Variants in CYTIP observed in about 807,000 individuals in gnomAD.
CYTIP encodes cytohesin 1 interacting protein, also known as cytohesin-interacting protein.
A neutral mutation model predicts 43.8 loss-of-function variants in CYTIP; 26 were observed. The observed-to-expected ratio is 0.59, with a 90% confidence interval of 0.44 to 0.82. The LOEUF (loss-of-function observed/expected upper bound fraction) is 0.82. Among genes scored for constraint, CYTIP ranks in the 40% least tolerant of loss-of-function variants. The pLI, the probability that CYTIP is intolerant of heterozygous loss-of-function variation, is 0.00. For missense variants in CYTIP, 426 were observed against 443.1 expected, an observed-to-expected ratio of 0.96 and a Z score of 0.35; for synonymous variants, 162 against 162.9, an observed-to-expected ratio of 0.99 and a Z score of 0.04.
At chr2:157,441,800 T>C (rs770613721) in intron 1 of CYTIP, among the ~76,000 whole-genome samples, 23 of 152,186 alleles carry the variant, frequency 1.5e-4, no homozygotes, top group Non-Finnish European at 2.5e-4. Context: ...TTCAGTCTCC[T>C]TTCTGTTCCC....
intron 1 of CYTIP, among the ~76,000 whole-genome samples, chr2:157,439,732 G>A (rs1685873871): frequency 6.6e-6 from 1 of 152,220 alleles, no homozygotes; most frequent in South Asian, 2.1e-4. Context: ...AATTATGACT[G>A]CTGAATAGAC....
intron 7 of CYTIP, among the ~76,000 whole-genome samples, chr2:157,417,670 G>T (rs900507320): frequency 6.6e-6 from 1 of 151,050 alleles, no homozygotes; most frequent in Admixed American, 6.6e-5. Context: ...GAAGTAACTT[G>T]TACATAAGTT....
rs1373229841 is a variant in CYTIP at position 157,443,782 on chromosome 2, C to T, written c.174+65G>A. The T allele has an allele frequency of 2.0e-6, 3 of 1,511,140 alleles. No homozygotes were observed. In the African/African-American group the frequency reaches 4.1e-5, roughly 21 times the overall value. 93.6% of individuals were successfully genotyped at this position (1,511,140 alleles called of 1,614,324 possible). A position where few individuals can be genotyped will look rare whatever the true frequency, so the allele number is the denominator to read the frequency against. On this transcript the variant is annotated intron_variant, in intron 1 of 7. Coordinates refer to ENST00000264192, the MANE Select transcript of CYTIP (RefSeq NM_004288.5). ...ATATCACCATTAGTATGAAGTCAGACAAACATATCACTCTGCCCTCAAGAG... is the reference window on the plus strand; with the variant it reads ...ATATCACCATTAGTATGAAGTCAGATAAACATATCACTCTGCCCTCAAGAG...
At chr2:157,420,632 T>C (rs1033474918) in intron 6 of CYTIP, among the ~76,000 whole-genome samples, 4 of 96,150 alleles carry the variant, frequency 4.2e-5, no homozygotes, top group Non-Finnish European at 7.7e-5. Flanking sequence ...GCATGGGCAA[T>C]AGGGTAAGAC....
At chr2:157,437,140 TA>T (rs1685821966) in intron 1 of CYTIP, among the ~76,000 whole-genome samples, 1 of 152,114 alleles carries the variant, frequency 6.6e-6, no homozygotes, top group Admixed American at 6.5e-5. Flanking sequence ...GGAAAGGCTT[TA>T]GCATATTGGA....
Position 157,418,523 on chromosome 2 carries a change from C to G in CYTIP, c.613G>C (p.Gly205Arg). ...LQLQEHRLLH[G>R]DAANCPSLEN... is the part of the protein sequence containing the mutation. ...TTTCTGAACAGGAAATTGCATTTACCATGAAGCAGACGATGTTCCTGTAAC... is the reference window on the plus strand; with the variant it reads ...TTTCTGAACAGGAAATTGCATTTACGATGAAGCAGACGATGTTCCTGTAAC... Residue 205 changes from glycine to arginine, a missense_variant and splice_region_variant, in exon 7 of 8, where the codon GGT becomes CGT. By Grantham distance (125) the Gly-to-Arg change is moderately radical (BLOSUM62 -2). Transcript: ENST00000264192. The G allele has an allele frequency of 6.3e-7, 1 of 1,588,998 alleles. No individual in the cohort carries two copies. The highest frequency in any genetic ancestry group is 8.6e-7 in the Non-Finnish European group (1 of 1,168,126).
In CYTIP at chr2:157,415,504, A is replaced by G; in HGVS notation, c.*173T>C. On this transcript the variant is annotated 3_prime_UTR_variant, in exon 8 of 8. Transcript: ENST00000264192. The stretch of plus-strand genomic sequence containing the variant: ...GCTTAGAAATTGGCTGTTTAGGTTG[A>G]AAAATGATTTAAGAAGCATAAACTA... 3.6e-6 allele frequency: 2 copies of G among 563,164 alleles called. No individual in the cohort carries two copies. Among genetic ancestry groups the G allele is most frequent in the South Asian group, 5.1e-5 (2 of 39,308 alleles). The allele number at this position is 563,164 out of a possible 1,614,324, so 34.9% of individuals were successfully genotyped here. A position where few individuals can be genotyped will look rare whatever the true frequency, so the allele number is the denominator to read the frequency against.
intron 2 of CYTIP, 108 bp downstream of exon 2, chr2:157,434,590 G>T: frequency 1.2e-6 from 1 of 804,792 alleles, no homozygotes; most frequent in Non-Finnish European, 2.0e-6. Context: ...GTCTGTGTGT[G>T]TGCGTAGAGA....
chr2:157,441,480 C>A (rs1685913376), intron 1 of CYTIP, among the ~76,000 whole-genome samples: 1 of 152,106 alleles, frequency 6.6e-6, no homozygotes, highest in African/African-American at 2.4e-5. Flanking sequence ...AAGTCTACCA[C>A]ATGAAAGAAT....
At chr2:157,440,345 C>T (rs892670291) in intron 1 of CYTIP, among the ~76,000 whole-genome samples, 1 of 152,186 alleles carries the variant, frequency 6.6e-6, no homozygotes, top group Non-Finnish European at 1.5e-5. Flanking sequence ...AAATACAATA[C>T]CGCCATTTCC....
chr2:157,438,380 G>A (rs1685847985), intron 1 of CYTIP, among the ~76,000 whole-genome samples: 1 of 152,182 alleles, frequency 6.6e-6, no homozygotes, highest in Non-Finnish European at 1.5e-5. Flanking sequence ...GGGAAGGGTT[G>A]GGGGAAGAAA....
At chr2:157,428,817 CT>C (rs1381983747) in intron 5 of CYTIP, among the ~76,000 whole-genome samples, 1 of 152,226 alleles carries the variant, frequency 6.6e-6, no homozygotes, top group Non-Finnish European at 1.5e-5. Flanking sequence ...CCACCACCAT[CT>C]TTCAAATCTG....
intron 6 of CYTIP, 65 bp downstream of exon 6, chr2:157,427,286 T>C: frequency 6.0e-6 from 8 of 1,344,012 alleles, no homozygotes; most frequent in Non-Finnish European, 8.3e-6. Flanking sequence ...CTCAAATAGA[T>C]CTTTATTTTA....
At chr2:157,416,963 T>G (rs1685447469) in intron 7 of CYTIP, among the ~76,000 whole-genome samples, 1 of 151,070 alleles carries the variant, frequency 6.6e-6, no homozygotes, top group East Asian at 1.9e-4. Flanking sequence ...GGTTGGTATC[T>G]TGTGTGTGTG....
At chr2:157,425,772 T>G (rs1164735270) in intron 6 of CYTIP, among the ~76,000 whole-genome samples, 5 of 152,156 alleles carry the variant, frequency 3.3e-5, no homozygotes, top group Non-Finnish European at 7.4e-5. Context: ...ATTATCTTTC[T>G]TTTGCAAAAA....
chr2:157,420,740 A>C (rs1685510272), intron 6 of CYTIP, among the ~76,000 whole-genome samples: 1 of 151,796 alleles, frequency 6.6e-6, no homozygotes, highest in African/African-American at 2.4e-5. Flanking sequence ...TATGAAGGTC[A>C]AAATTAGGGA....
intron 7 of CYTIP, among the ~76,000 whole-genome samples, chr2:157,417,187 G>A (rs1041494143): frequency 2.6e-5 from 4 of 152,198 alleles, no homozygotes; most frequent in African/African-American, 9.6e-5. Context: ...TTGCAAGGTT[G>A]AGTACAGCCA....
rs1685779975 is a variant in CYTIP at position 157,434,728 on chromosome 2, C to T, written c.194G>A (p.Ser65Asn). The T allele has an allele frequency of 5.0e-6, 8 of 1,611,346 alleles. No individual in the cohort carries two copies. Among genetic ancestry groups the T allele is most frequent in the Non-Finnish European group, 6.8e-6 (8 of 1,178,774 alleles). ...GRKQLALTRS[S>N]SLSDFSWSQR... is the part of the protein sequence containing the mutation. The stretch of plus-strand genomic sequence containing the variant: ...AGACCAGGAAAAGTCACTTAAAGAA[C>T]TTGATCTGGTCAAAGCAAGCTGAAA... Residue 65 changes from serine (S) to asparagine (N), a missense_variant, in exon 2 of 8, where the codon AGT (serine) becomes AAT (asparagine). Physicochemically the swap from Ser to Asn is conservative, Grantham distance 46 (BLOSUM62 1). Transcript: ENST00000264192.
At chr2:157,434,155 A>G (rs1363916525) in intron 3 of CYTIP, 1 of 591,750 alleles carries the variant, frequency 1.7e-6, no homozygotes, top group Non-Finnish European at 3.0e-6. Context: ...CAAACTGCTG[A>G]GCATATCGCA....
Sources: gnomAD v4.1 joint callset for allele counts (sites outside exome capture counted in the v4.1 genomes callset) on GRCh38, gnomAD v4.1.1 for gene constraint, MANE v1.5 for transcripts, NCBI Gene and HGNC (gene_info 2026-07-23, HGNC 2026-07-21) for gene names.